The following OPRD1 variants were observed in gnomAD, a reference collection of about 807,000 sequenced individuals.
OPRD1 encodes opioid receptor delta 1.
A neutral mutation model predicts 17.5 loss-of-function variants in OPRD1; 19 were observed. The ratio of observed to expected loss-of-function variants is 1.09; its 90% CI spans 0.76 to 1.60. OPRD1 has a LOEUF of 1.60. Among genes scored for constraint, OPRD1 ranks in the 40% most tolerant of loss-of-function variants. The pLI is 0.00. For missense variants in OPRD1, 483 were observed against 547.2 expected, an observed-to-expected ratio of 0.88 and a Z score of 1.17; for synonymous variants, 256 against 240.9, an observed-to-expected ratio of 1.06 and a Z score of -0.58.
chr1:28,839,669 A>G (rs142025842), intron 1 of OPRD1, among the ~76,000 whole-genome samples: 27 of 152,238 alleles, frequency 1.8e-4, no homozygotes, highest in African/African-American at 6.5e-4. Context: ...CCCCACCTTG[A>G]ACTCATGGGC....
intron 1 of OPRD1, among the ~76,000 whole-genome samples, chr1:28,844,338 T>A (rs2088921775): frequency 2.0e-5 from 3 of 152,190 alleles, no homozygotes; most frequent in Admixed American, 2.0e-4. Context: ...TCGTTCAGGC[T>A]GGAGTGTAGT....
chr1:28,861,723 G>A (rs1227729833), intron 2 of OPRD1, among the ~76,000 whole-genome samples: 2 of 151,998 alleles, frequency 1.3e-5, no homozygotes, highest in Non-Finnish European at 2.9e-5. Flanking sequence ...GGGATTACAG[G>A]CATGAGCCCC....
chr1:28,850,694 G>A (rs561180), intron 1 of OPRD1, among the ~76,000 whole-genome samples: 71,692 of 150,620 alleles, frequency 0.48, 18,656 homozygotes, highest in East Asian at 0.87. Context: ...GAGGTGGGAG[G>A]ATTGATTGAG....
Position 28,863,436 on chromosome 1 carries a change from G to C in OPRD1, c.*153G>C, listed in dbSNP as rs2089145584. On this transcript the variant is annotated 3_prime_UTR_variant, in exon 3 of 3. Transcript: ENST00000234961. ...GGCCTCTGTTTCGGAGACGGGACCG[G>C]GCCGCTAGATGGGCATGGGGTGGGC... The C allele has an allele frequency of 2.2e-6, 2 of 893,392 alleles. No individual in the cohort carries two copies. Among genetic ancestry groups the C allele is most frequent in the Non-Finnish European group, 3.2e-6 (2 of 634,918 alleles). 55.3% of individuals were successfully genotyped at this position (893,392 alleles called of 1,614,324 possible). A position where few individuals can be genotyped will look rare whatever the true frequency, so the allele number is the denominator to read the frequency against.
At chr1:28,861,724 C>A (rs767266700) in intron 2 of OPRD1, among the ~76,000 whole-genome samples, 3 of 151,994 alleles carry the variant, frequency 2.0e-5, no homozygotes, top group Non-Finnish European at 2.9e-5. Context: ...GGATTACAGG[C>A]ATGAGCCCCA....
At chr1:28,843,925 T>C (rs1309813138) in intron 1 of OPRD1, among the ~76,000 whole-genome samples, 1 of 152,226 alleles carries the variant, frequency 6.6e-6, no homozygotes, top group Non-Finnish European at 1.5e-5. Context: ...TGCTTTCACC[T>C]TTTAGCTATT....
intron 1 of OPRD1, among the ~76,000 whole-genome samples, chr1:28,828,607 G>A (rs1189010164): frequency 6.7e-6 from 1 of 148,608 alleles, no homozygotes; most frequent in Non-Finnish European, 1.5e-5. Context: ...AGTCGCTTGA[G>A]CTCAGAAGTT....
Position 28,859,206 on chromosome 1 carries a change from C to T in OPRD1, c.480C>T (p.Arg160=). ...ACCCTGTCAAGGCCCTGGACTTCCGCACGCCTGCCAAGGCCAAGCTGATCA... is the reference window on the plus strand; with the variant it reads ...ACCCTGTCAAGGCCCTGGACTTCCGTACGCCTGCCAAGGCCAAGCTGATCA... The part of the protein sequence containing the change: ...VCHPVKALDF[R]TPAKAKLINI... The change falls in exon 2 of 3, where the codon CGC becomes CGT. Residue 160 remains arginine, a synonymous_variant. Transcript: ENST00000234961. The T allele has an allele frequency of 6.2e-7, 1 of 1,614,266 alleles. No individual in the cohort carries two copies. The highest frequency in any genetic ancestry group is 2.2e-5 in the East Asian group (1 of 44,888).
At chr1:28,813,718 G>C (rs2088650552) in intron 1 of OPRD1, among the ~76,000 whole-genome samples, 2 of 152,290 alleles carry the variant, frequency 1.3e-5, no homozygotes, top group South Asian at 4.1e-4. Context: ...CCTTCATGCT[G>C]GTGGACCAAG....
At chr1:28,826,451 G>T (rs1048376476) in intron 1 of OPRD1, among the ~76,000 whole-genome samples, 4 of 151,966 alleles carry the variant, frequency 2.6e-5, no homozygotes, top group African/African-American at 9.7e-5. Context: ...AGGAGGTCAA[G>T]CCTGCAGTGA....
At chr1:28,841,459 T>C (rs1449230511) in intron 1 of OPRD1, among the ~76,000 whole-genome samples, 1 of 152,196 alleles carries the variant, frequency 6.6e-6, no homozygotes, top group Non-Finnish European at 1.5e-5. Flanking sequence ...GCTTGTGTCC[T>C]GTCACCGCCA....
At chr1:28,830,689 G>A (rs544704631) in intron 1 of OPRD1, among the ~76,000 whole-genome samples, 1 of 152,226 alleles carries the variant, frequency 6.6e-6, no homozygotes. Flanking sequence ...TCATAGCAGG[G>A]TTGCCACAAA....
At chr1:28,847,067 T>TTCCCCTTTCCTG (rs2088960566) in intron 1 of OPRD1, among the ~76,000 whole-genome samples, 1 of 150,886 alleles carries the variant, frequency 6.6e-6, no homozygotes, top group Non-Finnish European at 1.5e-5. Context: ...CCCCTTTCCT[T>TTCCCCTTTCCTG]TCCGACGGAG....
intron 1 of OPRD1, among the ~76,000 whole-genome samples, chr1:28,822,055 G>A (rs549110812): frequency 1.3e-5 from 2 of 151,372 alleles, no homozygotes; most frequent in East Asian, 2.0e-4. Context: ...GGGTTCAAGC[G>A]ATTCTCCTGC....
At chr1:28,858,119 T>C (rs570957452) in intron 1 of OPRD1, among the ~76,000 whole-genome samples, 276 of 145,096 alleles carry the variant, frequency 1.9e-3, no homozygotes, top group Middle Eastern at 0.019. Flanking sequence ...TTTTTTCTTT[T>C]TTTTTTTTTT....
intron 1 of OPRD1, among the ~76,000 whole-genome samples, chr1:28,858,115 CTT>C (rs1233337916): frequency 8.9e-5 from 10 of 112,928 alleles, no homozygotes; most frequent in Non-Finnish European, 7.2e-5. Flanking sequence ...CTTTTTTTTT[CTT>C]TTTTTTTTTT....
intron 1 of OPRD1, among the ~76,000 whole-genome samples, chr1:28,818,007 G>A (rs1014074283): frequency 4.6e-5 from 7 of 152,066 alleles, no homozygotes; most frequent in Non-Finnish European, 7.4e-5. Context: ...GGCGTGAGCC[G>A]CTGCGCCTGG....
intron 2 of OPRD1, among the ~76,000 whole-genome samples, chr1:28,861,373 C>T (rs1038448162): frequency 6.6e-6 from 1 of 152,156 alleles, no homozygotes; most frequent in Non-Finnish European, 1.5e-5. Flanking sequence ...AGGCACCCTT[C>T]CTATCTCAAG....
At position 28,864,333 on chromosome 1, in the gene OPRD1, C is replaced by T. The variant is rs1015236242; in HGVS notation, c.*1050C>T. 5.3e-5 allele frequency: 8 copies of T among 152,272 alleles called. No individual in the cohort carries two copies. Among genetic ancestry groups the T allele is most frequent in the African/African-American group, 1.9e-4 (8 of 41,410 alleles). The allele number at this position is 152,272 out of a possible 1,614,324, so 9.4% of individuals were successfully genotyped here. ...GAGAGAAACAGTATACCTTTTATCT[C>T]TTTGACAGGCATGTATTTCCTTGGA... On this transcript the variant is annotated 3_prime_UTR_variant, in exon 3 of 3. Coordinates refer to ENST00000234961, the MANE Select transcript of OPRD1 (RefSeq NM_000911.4).
Sources: allele counts gnomAD v4.1 joint callset (sites outside exome capture counted in the v4.1 genomes callset), GRCh38; gene constraint gnomAD v4.1.1; transcripts MANE v1.5; gene names NCBI Gene and HGNC (gene_info 2026-07-23, HGNC 2026-07-21).